Variants in DOCK3 observed in about 807,000 individuals in gnomAD.
DOCK3 encodes the protein dedicator of cytokinesis protein 3.
DOCK3 carries 60 observed loss-of-function variants against 265.6 expected under a neutral mutation model. The ratio of observed to expected loss-of-function variants is 0.23; its 90% CI spans 0.18 to 0.28. The LOEUF (loss-of-function observed/expected upper bound fraction) is 0.28. DOCK3 is among the 10% of genes least tolerant of loss of function. The pLI is 1.00. For missense variants in DOCK3, 1,981 were observed against 2,594.3 expected (o/e 0.76, Z 5.14); for synonymous variants, 881 against 938.0 (o/e 0.94, Z 1.11).
Position 51,333,065 on chromosome 3 carries a change from C to T in DOCK3, c.3515+38C>T, listed in dbSNP as rs767128898. On this transcript the variant is annotated intron_variant, in intron 34 of 52. Coordinates refer to ENST00000266037, the MANE Select transcript of DOCK3 (RefSeq NM_004947.5). ...TGTGGTAAGTCTGCTGTCTCCAGAT[C>T]CATCACAGCCTCCATGGGCTCTTGG... The T allele has an allele frequency of 2.5e-6, 4 of 1,613,816 alleles. No homozygotes were observed. In the Admixed American group the frequency reaches 5.0e-5, roughly 20 times the overall value.
At chr3:50,904,679 T>A (rs1317700642) in intron 4 of DOCK3, among the ~76,000 whole-genome samples, 1 of 152,224 alleles carries the variant, frequency 6.6e-6, no homozygotes, top group Non-Finnish European at 1.5e-5. Context: ...TATTAGCCCA[T>A]TGTCAGATGA....
At chr3:50,922,942 C>T (rs753323885) in intron 4 of DOCK3, among the ~76,000 whole-genome samples, 9 of 152,028 alleles carry the variant, frequency 5.9e-5, no homozygotes, top group Non-Finnish European at 8.8e-5. Context: ...CCCGAGTCCC[C>T]AAAGTCCATT....
intron 5 of DOCK3, among the ~76,000 whole-genome samples, chr3:50,958,693 A>G (rs1052715109): frequency 2.0e-5 from 3 of 152,188 alleles, no homozygotes; most frequent in Non-Finnish European, 4.4e-5. Context: ...AGTACATTAC[A>G]AGGTTGCTCC....
At chr3:51,081,071 A>T (rs765513430) in intron 7 of DOCK3, among the ~76,000 whole-genome samples, 3 of 152,192 alleles carry the variant, frequency 2.0e-5, no homozygotes, top group Non-Finnish European at 2.9e-5. Flanking sequence ...CTCAATAATG[A>T]TTAGTTAATA....
intron 1 of DOCK3, among the ~76,000 whole-genome samples, chr3:50,756,129 T>A (rs1421552110): frequency 6.6e-6 from 1 of 152,218 alleles, no homozygotes; most frequent in Non-Finnish European, 1.5e-5. Context: ...GTGGGCTGTC[T>A]GCATGTGCAG....
intron 27 of DOCK3, among the ~76,000 whole-genome samples, chr3:51,294,957 T>C (rs1996332): frequency 0.82 from 125,054 of 152,228 alleles, 51,966 homozygotes; most frequent in Middle Eastern, 0.9. Context: ...CCCAATTTGT[T>C]CATTCCACAA....
intron 3 of DOCK3, among the ~76,000 whole-genome samples, chr3:50,869,811 G>A (rs2262848): frequency 0.046 from 7,018 of 152,022 alleles, 582 homozygotes; most frequent in African/African-American, 0.16. Context: ...AACTTCCATC[G>A]AAGTACTGCT....
intron 21 of DOCK3, among the ~76,000 whole-genome samples, chr3:51,238,406 T>A (rs1443941283): frequency 1.3e-5 from 2 of 152,206 alleles, no homozygotes; most frequent in East Asian, 3.9e-4. Context: ...CCTCCCAAAG[T>A]GCTGGGATTA....
chr3:50,733,340 T>C (rs1451969413), intron 1 of DOCK3, among the ~76,000 whole-genome samples: 1 of 152,230 alleles, frequency 6.6e-6, no homozygotes, highest in Non-Finnish European at 1.5e-5. Flanking sequence ...TTCTCTACCA[T>C]TATTGTATTT....
In DOCK3 at chr3:51,294,388, TGA is replaced by T. The variant is rs201368197; in HGVS notation, c.2922+14185_2922+14186del. On this transcript the variant is annotated intron_variant, in intron 27 of 52. Coordinates refer to ENST00000266037, the MANE Select transcript of DOCK3 (RefSeq NM_004947.5). ...CTTACGTGTAGAATCTAAAAAAAAT[TGA>T]ACTCGAGGCTGGGCGCAGTAGCTCA... Among the ~76,000 whole-genome samples, 1,135 of 152,190 alleles carry T rather than the reference TGA, an allele frequency of 7.5e-3. 13 individuals are homozygous for T. The highest frequency in any genetic ancestry group is 0.026 in the African/African-American group (1,091 of 41,536).
intron 12 of DOCK3, among the ~76,000 whole-genome samples, chr3:51,202,245 A>G (rs1255948202): frequency 1.3e-5 from 2 of 148,396 alleles, no homozygotes; most frequent in African/African-American, 5.0e-5. Context: ...TTTTTGAAAG[A>G]ATCAACAAAA....
chr3:50,704,905 A>G (rs1278825043), intron 1 of DOCK3, among the ~76,000 whole-genome samples: 3 of 152,206 alleles, frequency 2.0e-5, no homozygotes, highest in Admixed American at 2.0e-4. Flanking sequence ...CTGGGATTAC[A>G]GATGTGAGTC....
chr3:50,863,208 T>C (rs987949710), intron 3 of DOCK3, among the ~76,000 whole-genome samples: 5 of 152,106 alleles, frequency 3.3e-5, no homozygotes, highest in Admixed American at 2.6e-4. Context: ...TTGTAGGGTA[T>C]ATTTGCAGGG....
At chr3:51,254,771 G>A (rs2079454012) in intron 22 of DOCK3, among the ~76,000 whole-genome samples, 1 of 152,144 alleles carries the variant, frequency 6.6e-6, no homozygotes, top group Non-Finnish European at 1.5e-5. Context: ...CTCTGCATGT[G>A]AGATGGTTCT....
chr3:50,845,860 T>C (rs750271132), intron 3 of DOCK3, among the ~76,000 whole-genome samples: 2 of 152,222 alleles, frequency 1.3e-5, no homozygotes, highest in East Asian at 1.9e-4. Context: ...AAAAATACTA[T>C]AATGGGTAAA....
chr3:51,232,705 C>G (rs1043395313), intron 19 of DOCK3, among the ~76,000 whole-genome samples: 11 of 152,100 alleles, frequency 7.2e-5, no homozygotes, highest in Non-Finnish European at 1.5e-4. Context: ...TGTCCTTTGT[C>G]CACTTTTTGA....
intron 9 of DOCK3, among the ~76,000 whole-genome samples, chr3:51,131,552 CTG>C (rs2084543186): frequency 6.6e-6 from 1 of 152,146 alleles, no homozygotes; most frequent in Admixed American, 6.5e-5. Context: ...CCATGATTCT[CTG>C]TTTTTATAAT....
chr3:50,726,620 GT>G (rs1330574037), intron 1 of DOCK3, among the ~76,000 whole-genome samples: 1 of 152,012 alleles, frequency 6.6e-6, no homozygotes, highest in Non-Finnish European at 1.5e-5. Flanking sequence ...TTTTTTTTCT[GT>G]TTTGACTCTA....
chr3:51,381,746 C>A lies in DOCK3; in HGVS notation c.*187C>A. On this transcript the variant is annotated 3_prime_UTR_variant, in exon 53 of 53. Transcript: ENST00000266037. This position sits in a 1 kb window ranked among gnomAD's most constrained non-coding sequence, Gnocchi z 5.6. ...TTGCCATGTACAGAGGCCACAGCAG[C>A]ATGAAGGGTTGTGGCTTCCCTTTTT... 1 of 660,206 alleles carries A rather than the reference C, an allele frequency of 1.5e-6. No individual in the cohort carries two copies. The highest frequency in any genetic ancestry group is 3.6e-5 in the South Asian group (1 of 27,852). 40.9% of individuals were successfully genotyped at this position (660,206 alleles called of 1,614,324 possible). A position where few individuals can be genotyped will look rare whatever the true frequency, so the allele number is the denominator to read the frequency against.
Sources: gnomAD v4.1 joint callset for allele counts (sites outside exome capture counted in the v4.1 genomes callset) on GRCh38, gnomAD v4.1.1 for gene constraint, Gnocchi (gnomAD v3.1) non-coding constraint, MANE v1.5 for transcripts, NCBI Gene and HGNC (gene_info 2026-07-23, HGNC 2026-07-21) for gene names.